CTNNA3: variants seen among roughly 807,000 people sequenced by gnomAD.
CTNNA3 encodes the protein catenin alpha-3.
In CTNNA3, 76 loss-of-function variants were observed where a neutral mutation model predicts 95.7. The ratio of observed to expected loss-of-function variants is 0.79; its 90% CI spans 0.66 to 0.96. The LOEUF (loss-of-function observed/expected upper bound fraction) is 0.96. CTNNA3 is among the 40% of genes least tolerant of loss of function. CTNNA3 has a pLI of 0.00. For synonymous variants in CTNNA3, 431 were observed against 374.4 expected (o/e 1.15, Z -1.74); for missense variants, 1,191 against 1,089.8 (o/e 1.09, Z -1.31).
intron 3 of CTNNA3, among the ~76,000 whole-genome samples, chr10:67,571,636 G>C (rs778701436): frequency 1.1e-4 from 17 of 152,144 alleles, no homozygotes; most frequent in African/African-American, 4.1e-4. Context: ...TGCCCAAGTA[G>C]CAGAACCTAA....
chr10:66,014,772 T>C (rs1452963931), intron 15 of CTNNA3, among the ~76,000 whole-genome samples: 1 of 152,214 alleles, frequency 6.6e-6, no homozygotes, highest in Non-Finnish European at 1.5e-5. Flanking sequence ...GGCTAGGGGC[T>C]ACTGCATGGA....
intron 10 of CTNNA3, among the ~76,000 whole-genome samples, chr10:66,617,533 A>G (rs971829937): frequency 1.6e-4 from 25 of 152,304 alleles, no homozygotes; most frequent in African/African-American, 5.5e-4. Context: ...AAAACTCTCA[A>G]TAAATCAGGT....
chr10:66,106,257 G>A (rs984126718), intron 13 of CTNNA3, among the ~76,000 whole-genome samples: 9 of 151,410 alleles, frequency 5.9e-5, no homozygotes, highest in Non-Finnish European at 1.0e-4. Context: ...GGATGATAGA[G>A]TACCCTAGAT....
At chr10:66,787,363 T>C (rs1161151332) in intron 7 of CTNNA3, among the ~76,000 whole-genome samples, 2 of 152,096 alleles carry the variant, frequency 1.3e-5, no homozygotes, top group Non-Finnish European at 2.9e-5. Context: ...AGAGAAAATA[T>C]TATTAGAGTA....
chr10:66,765,059 A>G (rs1839784783), intron 9 of CTNNA3, among the ~76,000 whole-genome samples: 1 of 152,154 alleles, frequency 6.6e-6, no homozygotes, highest in African/African-American at 2.4e-5. Context: ...TTCAAAGAAG[A>G]TTTCAAAGTT....
intron 1 of CTNNA3, among the ~76,000 whole-genome samples, chr10:67,658,960 CT>C (rs1840103039): frequency 6.6e-6 from 1 of 151,826 alleles, no homozygotes; most frequent in African/African-American, 2.4e-5. Flanking sequence ...CAAATTGAGC[CT>C]CCCCCAAAAA....
intron 5 of CTNNA3, among the ~76,000 whole-genome samples, chr10:67,387,576 C>T (rs1489119216): frequency 2.0e-5 from 3 of 152,316 alleles, no homozygotes; most frequent in South Asian, 4.1e-4. Context: ...AGGAGGCCTG[C>T]CTGCCTCTGT....
At chr10:66,524,840 A>C (rs1460957789) in intron 10 of CTNNA3, among the ~76,000 whole-genome samples, 1 of 152,144 alleles carries the variant, frequency 6.6e-6, no homozygotes, top group African/African-American at 2.4e-5. Flanking sequence ...TCCTGAGGTC[A>C]GGAGTGCGAG....
At chr10:66,325,370 A>T (rs1349875186) in intron 12 of CTNNA3, among the ~76,000 whole-genome samples, 1 of 152,124 alleles carries the variant, frequency 6.6e-6, no homozygotes, top group Non-Finnish European at 1.5e-5. Context: ...AACAAGAGTC[A>T]AGATGAGTTG....
At chr10:66,502,227 T>C (rs1432411549) in intron 11 of CTNNA3, among the ~76,000 whole-genome samples, 4 of 152,122 alleles carry the variant, frequency 2.6e-5, no homozygotes, top group South Asian at 4.1e-4. Context: ...TGAAAGAATA[T>C]AGGATAATCA....
At chr10:66,481,461 C>CTTTTT (rs148278459) in intron 11 of CTNNA3, among the ~76,000 whole-genome samples, 2 of 73,238 alleles carry the variant, frequency 2.7e-5, no homozygotes, top group Non-Finnish European at 4.8e-5. Flanking sequence ...TCCCTTGTTT[C>CTTTTT]TTTTTTTTTT....
At chr10:66,856,552 C>G (rs751988546) in intron 7 of CTNNA3, among the ~76,000 whole-genome samples, 3 of 152,044 alleles carry the variant, frequency 2.0e-5, no homozygotes, top group Non-Finnish European at 4.4e-5. Context: ...CTTTTCCCTA[C>G]AGCCTCACCA....
chr10:67,176,871 C>A (rs1279528341), intron 7 of CTNNA3: 1 of 469,274 alleles, frequency 2.1e-6, no homozygotes, highest in African/African-American at 2.0e-5. Context: ...CCTCTAGAAA[C>A]TGGAAAAGGC....
chr10:67,146,592 G>T (rs538910125), intron 7 of CTNNA3, among the ~76,000 whole-genome samples: 97 of 152,172 alleles, frequency 6.4e-4, no homozygotes, highest in Non-Finnish European at 1.3e-3. Context: ...TCAATTATGG[G>T]CAAATAACGT....
intron 7 of CTNNA3, among the ~76,000 whole-genome samples, chr10:67,072,243 C>A (rs1465465052): frequency 6.6e-6 from 1 of 152,168 alleles, no homozygotes; most frequent in East Asian, 1.9e-4. Flanking sequence ...CATAAGCCAC[C>A]ATGCCCAACC....
intron 7 of CTNNA3, among the ~76,000 whole-genome samples, chr10:66,941,164 C>A (rs1398530686): frequency 6.6e-6 from 1 of 152,136 alleles, no homozygotes; most frequent in Non-Finnish European, 1.5e-5. Flanking sequence ...TCAGCTGAGT[C>A]GGTTAATTAA....
At chr10:66,837,038 G>C (rs1385275074) in intron 7 of CTNNA3, among the ~76,000 whole-genome samples, 3 of 151,928 alleles carry the variant, frequency 2.0e-5, no homozygotes, top group Non-Finnish European at 4.4e-5. Flanking sequence ...TCTGCTTCAG[G>C]TCTTACTTGC....
At chr10:67,387,582 T>A (rs1220384601) in intron 5 of CTNNA3, among the ~76,000 whole-genome samples, 2 of 152,196 alleles carry the variant, frequency 1.3e-5, no homozygotes, top group African/African-American at 2.4e-5. Context: ...CCTGCCTGCC[T>A]CTGTAGGCTC....
chr10:66,846,417 CAT>C (rs1006825743), intron 7 of CTNNA3, among the ~76,000 whole-genome samples: 83 of 151,614 alleles, frequency 5.5e-4, no homozygotes, highest in African/African-American at 2.0e-3. Context: ...TTAATAATAA[CAT>C]ATTGTATACT....
Sources: allele counts gnomAD v4.1 joint callset (sites outside exome capture counted in the v4.1 genomes callset), GRCh38; gene constraint gnomAD v4.1.1; transcripts MANE v1.5; gene names NCBI Gene and HGNC (gene_info 2026-07-23, HGNC 2026-07-21).